LIN52: variants seen among roughly 807,000 people sequenced by gnomAD.
The protein encoded by LIN52 is protein lin-52 homolog.
In LIN52, 4 loss-of-function variants were observed where a neutral mutation model predicts 18.5. That is an observed-to-expected ratio of 0.22 (90% CI 0.11 to 0.49). The LOEUF (loss-of-function observed/expected upper bound fraction) is 0.49. Among genes scored for constraint, LIN52 ranks in the 20% least tolerant of loss-of-function variants. LIN52 has a pLI of 0.97. For synonymous variants in LIN52, 34 were observed against 45.5 expected (o/e 0.75, Z 1.02); for missense variants, 102 against 139.5 (o/e 0.73, Z 1.35).
chr14:74,200,414 G>GAAAGAAAAAA lies in LIN52; in HGVS notation c.*1440_*1441insGAAAAAAAAA, dbSNP rs2078941209. The GAAAGAAAAAA allele has an allele frequency of 1.1e-5, 1 of 90,284 alleles. No homozygotes were observed. The highest frequency in any genetic ancestry group is 4.9e-5 in the African/African-American group (1 of 20,598). The allele number at this position is 90,284 out of a possible 1,614,324, so 5.6% of individuals were successfully genotyped here. A position where few individuals can be genotyped will look rare whatever the true frequency, so the allele number is the denominator to read the frequency against. The stretch of plus-strand genomic sequence containing the variant: ...GGCAACAGAGTGAGACTCTGTCTCA[G>GAAAGAAAAAA]AAAAAAAAAAAAAAAAAAAAAAAAA... On this transcript the variant is annotated 3_prime_UTR_variant, in exon 6 of 6. Coordinates refer to ENST00000555028, the MANE Select transcript of LIN52 (RefSeq NM_001024674.3).
At position 74,087,659 on chromosome 14, in the gene LIN52, AGT is replaced by A. The variant is rs1384327111; in HGVS notation, c.19+2669_19+2670del. 2.6e-5 allele frequency among the ~76,000 whole-genome samples: 4 copies of A among 152,154 alleles called. No homozygotes were observed. The South Asian group carries it at 8.3e-4, about 31-fold the overall frequency. On this transcript the variant is annotated intron_variant, in intron 1 of 5. Coordinates refer to ENST00000555028, the MANE Select transcript of LIN52 (RefSeq NM_001024674.3). ...GCCTAGCTCTTTCACTTCTATTTTT[AGT>A]GTTCCACCTGTCACTGTCTTTAAAA...
Position 74,119,267 on chromosome 14 carries a change from T to C in LIN52, c.283+18029T>C, listed in dbSNP as rs1379797399. ...AGCTCCGCCTCCTGGGTTCATGCCA[T>C]TCTCCTGCCTCAGCCTCCCGAATAG... is the stretch of plus-strand genomic sequence containing the variant. On this transcript the variant is annotated intron_variant, in intron 5 of 5. Transcript: ENST00000555028. Among the ~76,000 whole-genome samples the C allele has an allele frequency of 4.6e-5, 7 of 150,932 alleles. No homozygotes were observed. In the East Asian group the frequency reaches 1.4e-3, roughly 30 times the overall value.
intron 3 of LIN52, among the ~76,000 whole-genome samples, chr14:74,096,215 C>T (rs2060811572): frequency 6.6e-6 from 1 of 152,126 alleles, no homozygotes; most frequent in African/African-American, 2.4e-5. Context: ...TGCCCACCAC[C>T]ACGCCCAGCT....
At chr14:74,167,720 G>T (rs1218480549) in intron 5 of LIN52, among the ~76,000 whole-genome samples, 1 of 152,010 alleles carries the variant, frequency 6.6e-6, no homozygotes, top group South Asian at 2.1e-4. Flanking sequence ...TTATAGAGAT[G>T]GGGGAGGGTC....
chr14:74,124,810 CAAAAAAAAAAAAAA>C (rs5809648), intron 5 of LIN52, among the ~76,000 whole-genome samples: 15 of 59,442 alleles, frequency 2.5e-4, no homozygotes, highest in Admixed American at 8.2e-4. Context: ...GACCCTGTCT[CAAAAAAAAAAAAAA>C]AAAAAAAAAG....
rs1448253115 is a variant in LIN52, at chr14:74,090,815, A to G, written c.20-417A>G. On this transcript the variant is annotated intron_variant, in intron 1 of 5. Coordinates refer to ENST00000555028, the MANE Select transcript of LIN52 (RefSeq NM_001024674.3). ...ACACTGAGATGAGGCTAGAGAAGGTAGAAACTGATGGTACCTGAGAAAGAT... is the reference window on the plus strand; with the variant it reads ...ACACTGAGATGAGGCTAGAGAAGGTGGAAACTGATGGTACCTGAGAAAGAT... 2.6e-5 allele frequency among the ~76,000 whole-genome samples: 4 copies of G among 152,338 alleles called. No homozygotes were observed. The East Asian group carries it at 7.7e-4, about 29-fold the overall frequency.
intron 5 of LIN52, among the ~76,000 whole-genome samples, chr14:74,186,214 C>T (rs1469699529): frequency 6.6e-6 from 1 of 151,898 alleles, no homozygotes; most frequent in East Asian, 1.9e-4. Flanking sequence ...ATCGCTTGAA[C>T]CCAGGAGGCG....
At chr14:74,122,348 C>G (rs1187859130) in intron 5 of LIN52, among the ~76,000 whole-genome samples, 1 of 152,006 alleles carries the variant, frequency 6.6e-6, no homozygotes, top group Non-Finnish European at 1.5e-5. Context: ...GCAGCTAGCT[C>G]TCAGATAGCT....
intron 5 of LIN52, 22 bp from the exon 6 acceptor site, chr14:74,198,900 T>G: frequency 6.3e-7 from 1 of 1,585,428 alleles, no homozygotes; most frequent in Non-Finnish European, 8.7e-7. Context: ...TCATTGATCA[T>G]TTGTTTGCTT....
intron 5 of LIN52, among the ~76,000 whole-genome samples, chr14:74,129,399 A>C (rs983741953): frequency 2.6e-5 from 4 of 152,234 alleles, no homozygotes; most frequent in Admixed American, 1.3e-4. Flanking sequence ...CATAGCACTT[A>C]GAATATGGAT....
intron 5 of LIN52, among the ~76,000 whole-genome samples, chr14:74,183,720 C>T (rs2061329435): frequency 6.6e-6 from 1 of 152,088 alleles, no homozygotes; most frequent in Admixed American, 6.6e-5. Flanking sequence ...CCCCCTTTAT[C>T]ACACTTTTTG....
intron 5 of LIN52, among the ~76,000 whole-genome samples, chr14:74,197,198 A>T (rs2078918301): frequency 6.6e-6 from 1 of 152,132 alleles, no homozygotes; most frequent in African/African-American, 2.4e-5. Flanking sequence ...CATTTTTTGC[A>T]TTTCTACTTG....
At chr14:74,130,690 A>C (rs2061061045) in intron 5 of LIN52, among the ~76,000 whole-genome samples, 1 of 147,796 alleles carries the variant, frequency 6.8e-6, no homozygotes, top group Admixed American at 7.0e-5. Context: ...GGAAGGTTCA[A>C]GTGATTCTCG....
At chr14:74,195,327 A>G (rs1303467100) in intron 5 of LIN52, among the ~76,000 whole-genome samples, 2 of 152,168 alleles carry the variant, frequency 1.3e-5, no homozygotes, top group African/African-American at 4.8e-5. Flanking sequence ...TACTCTGGCC[A>G]TTCATCCTAG....
chr14:74,184,835 C>T (rs909729042), intron 5 of LIN52, among the ~76,000 whole-genome samples: 1 of 152,054 alleles, frequency 6.6e-6, no homozygotes, highest in Non-Finnish European at 1.5e-5. Context: ...AATCATTATT[C>T]TTTTTTTCTT....
intron 5 of LIN52, among the ~76,000 whole-genome samples, chr14:74,131,759 G>A (rs1566857045): frequency 6.6e-6 from 1 of 152,126 alleles, no homozygotes; most frequent in African/African-American, 2.4e-5. Flanking sequence ...CTGTTATACT[G>A]TTATAGTCCT....
intron 5 of LIN52, among the ~76,000 whole-genome samples, chr14:74,125,673 T>C (rs564913068): frequency 6.6e-6 from 1 of 151,950 alleles, no homozygotes; most frequent in African/African-American, 2.4e-5. Context: ...ATTAAGAAAA[T>C]GTGGCACATA....
rs200429267 is a variant in LIN52, at chr14:74,165,086, C to CA, written c.284-33827dup. On this transcript the variant is annotated intron_variant, in intron 5 of 5. Coordinates refer to ENST00000555028, the MANE Select transcript of LIN52 (RefSeq NM_001024674.3). ...AGCAAACTGAAAAACTCAGGGAAAACAAAAAAAAATGTGCAAGTAAGGAAA... is the reference window on the plus strand; with the variant it reads ...AGCAAACTGAAAAACTCAGGGAAAACAAAAAAAAAATGTGCAAGTAAGGAAA... Among the ~76,000 whole-genome samples the CA allele has an allele frequency of 3.4e-3, 517 of 150,042 alleles. 1 individual carries two copies. Among genetic ancestry groups the CA allele is most frequent in the Middle Eastern group, 0.014 (4 of 288 alleles).
At chr14:74,195,240 TATA>T (rs2078904930) in intron 5 of LIN52, among the ~76,000 whole-genome samples, 1 of 152,180 alleles carries the variant, frequency 6.6e-6, no homozygotes, top group Admixed American at 6.5e-5. Flanking sequence ...TTCTATATAA[TATA>T]ATACATTATG....
Sources: gnomAD v4.1 joint callset for allele counts (sites outside exome capture counted in the v4.1 genomes callset) on GRCh38, gnomAD v4.1.1 for gene constraint, MANE v1.5 for transcripts, NCBI Gene and HGNC (gene_info 2026-07-23, HGNC 2026-07-21) for gene names.